Variants in MOB3B observed in about 807,000 individuals in gnomAD.
MOB3B encodes MOB kinase activator-like 2B.
MOB3B carries 7 observed loss-of-function variants against 18.7 expected under a neutral mutation model. That is an observed-to-expected ratio of 0.37 (90% CI 0.21 to 0.70). The LOEUF is 0.70. Ranked by LOEUF, MOB3B falls within the 30% of genes least tolerant of loss-of-function variation. MOB3B has a pLI of 0.52. For synonymous variants in MOB3B, 111 were observed against 99.9 expected (o/e 1.11, Z -0.66); for missense variants, 253 against 281.3 (o/e 0.90, Z 0.72).
intron 3 of MOB3B, among the ~76,000 whole-genome samples, chr9:27,341,417 T>C (rs538454710): frequency 6.6e-5 from 10 of 152,298 alleles, no homozygotes; most frequent in Non-Finnish European, 1.3e-4. Flanking sequence ...AAGACCTCTA[T>C]TGTGTGTCTG....
At chr9:27,341,253 A>G (rs1820936915) in intron 3 of MOB3B, among the ~76,000 whole-genome samples, 1 of 152,224 alleles carries the variant, frequency 6.6e-6, no homozygotes, top group Non-Finnish European at 1.5e-5. Flanking sequence ...GAAACGCTGA[A>G]CAAACGGTTT....
At chr9:27,483,530 GTAAGT>G (rs1162690071) in intron 1 of MOB3B, among the ~76,000 whole-genome samples, 5 of 152,182 alleles carry the variant, frequency 3.3e-5, no homozygotes, top group African/African-American at 9.7e-5. Context: ...AAAACAATTA[GTAAGT>G]TAAGCTGACT....
chr9:27,469,336 T>C (rs1448065636), intron 1 of MOB3B, among the ~76,000 whole-genome samples: 1 of 152,176 alleles, frequency 6.6e-6, no homozygotes. Flanking sequence ...ACTCAACTTC[T>C]GTGACTTTGG....
chr9:27,478,471 G>C (rs1334568979), intron 1 of MOB3B, among the ~76,000 whole-genome samples: 2 of 151,434 alleles, frequency 1.3e-5, no homozygotes, highest in Non-Finnish European at 2.9e-5. Context: ...GGGCAACTTT[G>C]AAAAAAAGAA....
chr9:27,354,334 T>G (rs1821153042), intron 3 of MOB3B, among the ~76,000 whole-genome samples: 1 of 152,184 alleles, frequency 6.6e-6, no homozygotes, highest in Non-Finnish European at 1.5e-5. Context: ...CAGAGAGGGT[T>G]GGTTATCCTT....
At chr9:27,483,705 G>A (rs975742736) in intron 1 of MOB3B, among the ~76,000 whole-genome samples, 2 of 152,124 alleles carry the variant, frequency 1.3e-5, no homozygotes, top group Non-Finnish European at 2.9e-5. Context: ...GTGGGTGCAC[G>A]TTGTTATGTT....
chr9:27,457,113 T>C (rs796236936), intron 1 of MOB3B, among the ~76,000 whole-genome samples: 4 of 152,364 alleles, frequency 2.6e-5, no homozygotes, highest in African/African-American at 9.6e-5. Context: ...ATCCAGTTTG[T>C]TGACTCCTAG....
intron 2 of MOB3B, among the ~76,000 whole-genome samples, chr9:27,383,055 C>A (rs1821602010): frequency 6.6e-6 from 1 of 152,122 alleles, no homozygotes; most frequent in Admixed American, 6.5e-5. Flanking sequence ...AAATGTCCAT[C>A]AATAGACACT....
intron 2 of MOB3B, among the ~76,000 whole-genome samples, chr9:27,383,649 C>T (rs1240740894): frequency 6.6e-6 from 1 of 152,096 alleles, no homozygotes; most frequent in Non-Finnish European, 1.5e-5. Flanking sequence ...GATTGTTTTC[C>T]CTTTAAATCA....
At chr9:27,413,427 C>T (rs746877976) in intron 2 of MOB3B, among the ~76,000 whole-genome samples, 4 of 152,042 alleles carry the variant, frequency 2.6e-5, no homozygotes, top group Non-Finnish European at 5.9e-5. Context: ...AAGGGAGGAC[C>T]ACTGCACTGA....
chr9:27,518,538 C>T (rs1276828759), intron 1 of MOB3B, among the ~76,000 whole-genome samples: 3 of 152,174 alleles, frequency 2.0e-5, no homozygotes, highest in Non-Finnish European at 4.4e-5. Context: ...TGATGGTACA[C>T]GTTTATTTAC....
chr9:27,393,997 C>T (rs1342144073), intron 2 of MOB3B: 2 of 152,144 alleles, frequency 1.3e-5, no homozygotes, highest in Non-Finnish European at 2.9e-5. Context: ...AGATGACCAG[C>T]TTTGGCTCAT....
chr9:27,524,434 T>C, intron 1 of MOB3B: 1 of 1,614,150 alleles, frequency 6.2e-7, no homozygotes, highest in Non-Finnish European at 8.5e-7. Context: ...TGTAACTTAC[T>C]GAACGTTCAC....
chr9:27,334,659 T>C (rs1391460085), intron 3 of MOB3B, among the ~76,000 whole-genome samples: 5 of 152,202 alleles, frequency 3.3e-5, no homozygotes. Context: ...TACCCATTTT[T>C]ATAACTGGTA....
chr9:27,508,044 A>G (rs972336705), intron 1 of MOB3B, among the ~76,000 whole-genome samples: 1 of 152,222 alleles, frequency 6.6e-6, no homozygotes, highest in African/African-American at 2.4e-5. Flanking sequence ...GAGGGTACCA[A>G]TAGTGAATTG....
intron 2 of MOB3B, among the ~76,000 whole-genome samples, chr9:27,444,262 AGGAAGGAG>A (rs1447900696): frequency 1.5e-4 from 17 of 111,562 alleles, no homozygotes; most frequent in South Asian, 4.2e-4. Context: ...GAAGGAAGGA[AGGAAGGAG>A]GGAGGGAGGG....
intron 2 of MOB3B, among the ~76,000 whole-genome samples, chr9:27,371,026 C>A: frequency 6.6e-6 from 1 of 152,206 alleles, no homozygotes; most frequent in East Asian, 1.9e-4. Flanking sequence ...CAGATTTTTA[C>A]TGATACCGAG....
At chr9:27,454,055 C>A (rs1369522574) in intron 2 of MOB3B, among the ~76,000 whole-genome samples, 1 of 152,178 alleles carries the variant, frequency 6.6e-6, no homozygotes, top group Non-Finnish European at 1.5e-5. Context: ...ACACCAAGAT[C>A]CTGACAAACT....
chr9:27,434,673 C>T (rs531506566), intron 2 of MOB3B, among the ~76,000 whole-genome samples: 15 of 152,132 alleles, frequency 9.9e-5, no homozygotes, highest in Non-Finnish European at 1.5e-4. Context: ...AATGGCTCTA[C>T]TCCCCTGCTC....
Sources: allele counts gnomAD v4.1 joint callset (sites outside exome capture counted in the v4.1 genomes callset), GRCh38; gene constraint gnomAD v4.1.1; transcripts MANE v1.5; gene names NCBI Gene and HGNC (gene_info 2026-07-23, HGNC 2026-07-21).